PKHD1: variants seen among roughly 807,000 people sequenced by gnomAD.
PKHD1 encodes fibrocystin.
A neutral mutation model predicts 412.0 loss-of-function variants in PKHD1; 291 were observed. That is an observed-to-expected ratio of 0.71 (90% CI 0.64 to 0.78). The LOEUF is 0.78. Among genes scored for constraint, PKHD1 ranks in the 30% least tolerant of loss-of-function variants. The probability of loss-of-function intolerance (pLI) is 0.00; values close to 1 mark genes in which losing one functional copy is unlikely to be tolerated. For synonymous variants in PKHD1, 1,777 were observed against 1,821.5 expected (o/e 0.98, Z 0.62); for missense variants, 4,825 against 4,950.7 (o/e 0.97, Z 0.76).
At chr6:51,811,577 A>T (rs1412204296) in intron 52 of PKHD1, among the ~76,000 whole-genome samples, 1 of 152,138 alleles carries the variant, frequency 6.6e-6, no homozygotes, top group Non-Finnish European at 1.5e-5. Flanking sequence ...CTAGAGTCAA[A>T]CTATTGGGTC....
chr6:52,068,439 T>A (rs1810081087), intron 11 of PKHD1, among the ~76,000 whole-genome samples: 1 of 152,170 alleles, frequency 6.6e-6, no homozygotes, highest in African/African-American at 2.4e-5. Flanking sequence ...CACAAAAACC[T>A]TGGAGTGGAG....
rs2150240717 is a variant in PKHD1, at chr6:51,619,341, G to A, written c.11965C>T (p.Gln3989Ter). The A allele has an allele frequency of 1.2e-6, 2 of 1,614,180 alleles. No individual in the cohort carries two copies. The highest frequency in any genetic ancestry group is 1.7e-6 in the Non-Finnish European group (2 of 1,179,994). The change falls in exon 67 of 67, where the codon CAG becomes TAG. Residue 3989 changes from glutamine to a stop codon, truncating the protein, a stop_gained. Coordinates refer to ENST00000371117, the MANE Select transcript of PKHD1 (RefSeq NM_138694.4). LOFTEE classifies it low-confidence loss of function (END_TRUNC). ...GHICAPGAPA[Q>*]QVYLQETGNW... ...CCAGTCTCTTGCAGGTACACCTGCT[G>A]AGCAGGAGCACCTGGAGCACAGATG...
chr6:51,671,027 T>A (rs982777695), intron 60 of PKHD1, among the ~76,000 whole-genome samples: 5 of 152,068 alleles, frequency 3.3e-5, no homozygotes, highest in African/African-American at 1.2e-4. Flanking sequence ...TTATGTGTCT[T>A]GGAGTTTCTC....
intron 46 of PKHD1, 107 bp downstream of exon 46, chr6:51,882,986 T>G: frequency 1.2e-6 from 1 of 816,616 alleles, no homozygotes; most frequent in Non-Finnish European, 2.1e-6. Flanking sequence ...AATATGAGAT[T>G]CACTAAAGAA....
intron 60 of PKHD1, among the ~76,000 whole-genome samples, chr6:51,707,308 C>T (rs1207625299): frequency 6.6e-6 from 1 of 152,038 alleles, no homozygotes; most frequent in Non-Finnish European, 1.5e-5. Context: ...TGCAAAAGGC[C>T]CTCTAGCCTA....
intron 64 of PKHD1, among the ~76,000 whole-genome samples, chr6:51,633,583 C>T (rs889314024): frequency 6.6e-6 from 1 of 152,080 alleles, no homozygotes; most frequent in African/African-American, 2.4e-5. Context: ...CAATTGATAA[C>T]CTGTAACAAC....
At chr6:51,929,857 T>A (rs1055482975) in intron 37 of PKHD1, among the ~76,000 whole-genome samples, 1 of 152,218 alleles carries the variant, frequency 6.6e-6, no homozygotes, top group African/African-American at 2.4e-5. Flanking sequence ...AATGCCTATA[T>A]CTTGTAATTT....
rs893003949 is a variant in PKHD1 at position 51,772,746 on chromosome 6, G to A, written c.8598C>T (p.Asn2866=). The change falls in exon 55 of 67, where the codon AAC becomes AAT. Residue 2866 remains asparagine, a synonymous_variant. Coordinates refer to ENST00000371117, the MANE Select transcript of PKHD1 (RefSeq NM_138694.4). ...KVHLYSAYPK[N]SWTHLGADIA... ...TATCAGCTCCAAGATGTGTCCAGGAGTTCTTAGGATAAGCACTGTAAAGAT... is the reference window on the plus strand; with the variant it reads ...TATCAGCTCCAAGATGTGTCCAGGAATTCTTAGGATAAGCACTGTAAAGAT... The A allele has an allele frequency of 6.2e-7, 1 of 1,600,284 alleles. No individual in the cohort carries two copies. The highest frequency in any genetic ancestry group is 8.6e-7 in the Non-Finnish European group (1 of 1,168,014).
In PKHD1 at chr6:51,722,016, G is replaced by T. The variant is rs548461617; in HGVS notation, c.10156+22369C>A. On this transcript the variant is annotated intron_variant, in intron 60 of 66. Transcript: ENST00000371117. ...CTGAAATCTTCAAAGCCTGCTCAGT[G>T]GTTACTGAAGTAAACAGAAGTACTT... 105 of 1,613,272 alleles carry T rather than the reference G, an allele frequency of 6.5e-5. 1 individual carries two copies. In the South Asian group the frequency reaches 1.1e-3, roughly 16 times the overall value.
rs148602337 is a variant in PKHD1 at position 51,850,643 on chromosome 6, C to G, written c.7912-2673G>C. On this transcript the variant is annotated intron_variant, in intron 49 of 66. Transcript: ENST00000371117. Reference sequence around the variant, plus strand: ...TAGCTGTATACGTAGGTATTTTATTCTCTTTGTAGCAATTGTGAATAGGAG... The same window carrying G: ...TAGCTGTATACGTAGGTATTTTATTGTCTTTGTAGCAATTGTGAATAGGAG... 2.0e-5 allele frequency among the ~76,000 whole-genome samples: 3 copies of G among 152,184 alleles called. No homozygotes were observed. In the East Asian group the frequency reaches 5.8e-4, roughly 29 times the overall value.
At chr6:51,682,526 AT>A (rs1220983056) in intron 60 of PKHD1, among the ~76,000 whole-genome samples, 21 of 152,180 alleles carry the variant, frequency 1.4e-4, no homozygotes, top group Middle Eastern at 3.4e-3. Flanking sequence ...AGAATGAGTT[AT>A]TATATTTGGG....
chr6:51,811,318 G>A (rs1366889716), intron 52 of PKHD1, among the ~76,000 whole-genome samples: 1 of 152,062 alleles, frequency 6.6e-6, no homozygotes, highest in East Asian at 1.9e-4. Context: ...TCATTGTATT[G>A]TTTATAAAAG....
At chr6:51,751,399 A>G (rs1405295365) in intron 57 of PKHD1, among the ~76,000 whole-genome samples, 1 of 152,198 alleles carries the variant, frequency 6.6e-6, no homozygotes, top group Non-Finnish European at 1.5e-5. Context: ...ACAGAAAAAA[A>G]CTGATAAAAT....
intron 53 of PKHD1, among the ~76,000 whole-genome samples, chr6:51,778,216 C>T (rs728996): frequency 0.57 from 86,882 of 151,936 alleles, 25,914 homozygotes; most frequent in East Asian, 0.83. Context: ...GCTCAGGATA[C>T]GCAGCTCATC....
intron 60 of PKHD1, among the ~76,000 whole-genome samples, chr6:51,729,766 T>C (rs1183850003): frequency 1.3e-5 from 2 of 152,210 alleles, no homozygotes; most frequent in Non-Finnish European, 2.9e-5. Flanking sequence ...ATAATAATTA[T>C]AGTAGCAGTG....
intron 60 of PKHD1, among the ~76,000 whole-genome samples, chr6:51,691,337 T>G (rs924997987): frequency 2.0e-5 from 3 of 152,148 alleles, no homozygotes; most frequent in Non-Finnish European, 4.4e-5. Context: ...ATCATTCTAT[T>G]ATAAAGACAC....
intron 52 of PKHD1, among the ~76,000 whole-genome samples, chr6:51,818,012 GT>G (rs1486562808): frequency 5.3e-5 from 8 of 152,176 alleles, no homozygotes; most frequent in Admixed American, 6.5e-5. Context: ...TAAGAGCAAT[GT>G]TTTTTATCCA....
chr6:52,035,610 T>G lies in PKHD1; in HGVS notation c.3209A>C (p.Gln1070Pro), dbSNP rs1212875071. The G allele has an allele frequency of 6.2e-7, 1 of 1,614,034 alleles. No homozygotes were observed. The highest frequency in any genetic ancestry group is 1.1e-5 in the South Asian group (1 of 91,084). The change falls in exon 28 of 67, where the codon CAG becomes CCG. Residue 1070 changes from glutamine to proline, a missense_variant. Transcript: ENST00000371117. ...NVATSNSSRI[Q>P]CKVPPRGKDG... The stretch of plus-strand genomic sequence containing the variant: ...ACTTACCCTGGGTGGAACTTTGCAC[T>G]GAATTCTGCTTGAATTGCTTGTAGC...
intron 37 of PKHD1, among the ~76,000 whole-genome samples, chr6:51,928,628 G>A (rs376234727): frequency 7.6e-4 from 45 of 59,242 alleles, no homozygotes; most frequent in African/African-American, 2.0e-3. Flanking sequence ...TAACTCTAGC[G>A]GACTTTGGGA....
Sources: allele counts gnomAD v4.1 joint callset (sites outside exome capture counted in the v4.1 genomes callset), GRCh38; gene constraint gnomAD v4.1.1; transcripts MANE v1.5; gene names NCBI Gene and HGNC (gene_info 2026-07-23, HGNC 2026-07-21).